Variants in TMEM94 observed in about 807,000 individuals in gnomAD.
TMEM94 encodes transmembrane protein 94, also known as ER Mg2+ ATPase.
In TMEM94, 81 loss-of-function variants were observed where a neutral mutation model predicts 158.6. That is an observed-to-expected ratio of 0.51 (90% CI 0.43 to 0.61). TMEM94 has a LOEUF of 0.61. Among genes scored for constraint, TMEM94 ranks in the 20% least tolerant of loss-of-function variants. The pLI, the probability that TMEM94 is intolerant of heterozygous loss-of-function variation, is 0.00. For synonymous variants in TMEM94, 751 were observed against 730.7 expected (o/e 1.03, Z -0.45); for missense variants, 1,435 against 1,762.0 (o/e 0.81, Z 3.32).
chr17:75,483,713 T>C (rs889740715), intron 2 of TMEM94, among the ~76,000 whole-genome samples: 4 of 152,014 alleles, frequency 2.6e-5, no homozygotes, highest in Non-Finnish European at 5.9e-5. Flanking sequence ...AGTGCACCCA[T>C]CTCAGCTTCC....
chr17:75,493,611 T>C lies in TMEM94; in HGVS notation c.2189+18T>C, dbSNP rs1220197996. On this transcript the variant is annotated intron_variant, in intron 17 of 31. Transcript: ENST00000314256. ...TCTGACAGGTGGGTGAGGAAGCACATGCCAGCAGCAAGAGCAGTCGCGCTG... is the reference window on the plus strand; with the variant it reads ...TCTGACAGGTGGGTGAGGAAGCACACGCCAGCAGCAAGAGCAGTCGCGCTG... 1.2e-5 allele frequency: 20 copies of C among 1,613,578 alleles called. No individual in the cohort carries two copies. The highest frequency in any genetic ancestry group is 4.0e-5 in the African/African-American group (3 of 74,926).
intron 6 of TMEM94, 140 bp from the exon 7 acceptor site, chr17:75,488,619 C>A: frequency 1.0e-6 from 1 of 965,916 alleles, no homozygotes; most frequent in Non-Finnish European, 1.6e-6. Context: ...AAGTCTAGTC[C>A]CACAGGCCCT....
At position 75,490,764 on chromosome 17, in the gene TMEM94, A is replaced by T. The variant is rs765511216; in HGVS notation, c.1128+6A>T. On this transcript the variant is annotated splice_donor_region_variant and intron_variant, in intron 11 of 31. Transcript: ENST00000314256. ...CGGAGGCTGTCTCCTCTCAGGTACA[A>T]CACTGACCCGGGATGGCTTCTCTCG... is the stretch of plus-strand genomic sequence containing the variant. 6.2e-7 allele frequency: 1 copy of T among 1,613,254 alleles called. No homozygotes were observed. Among genetic ancestry groups the T allele is most frequent in the East Asian group, 2.2e-5 (1 of 44,876 alleles).
Position 75,498,904 on chromosome 17 carries a change from T to C in TMEM94, c.3828-8T>C. Reference sequence around the variant, plus strand: ...GTCGGGTTCACACGGGGCCGCCACCTCCTGCAGGCTGCTGGGTCAGGTGGT... The same window carrying C: ...GTCGGGTTCACACGGGGCCGCCACCCCCTGCAGGCTGCTGGGTCAGGTGGT... On this transcript the variant is annotated splice_polypyrimidine_tract_variant and splice_region_variant and intron_variant, in intron 30 of 31. Coordinates refer to ENST00000314256, the MANE Select transcript of TMEM94 (RefSeq NM_014738.6). The surrounding 1 kb of genome is among the most constrained non-coding windows in gnomAD (Gnocchi z 6.7). 1.3e-6 allele frequency: 2 copies of C among 1,538,730 alleles called. No homozygotes were observed. Among genetic ancestry groups the C allele is most frequent in the Admixed American group, 3.8e-5 (2 of 51,990 alleles).
chr17:75,491,751 GAGC>G lies in TMEM94; in HGVS notation c.1450_1452del (p.Gln484del), dbSNP rs780721671. 4 of 1,613,930 alleles carry G rather than the reference GAGC, an allele frequency of 2.5e-6. No individual in the cohort carries two copies. The African/African-American group carries it at 5.3e-5, about 22-fold the overall frequency. Reference sequence around the variant, plus strand: ...GAACAACACCCTGCACCTTTCCAATGAGCAGGAGCGTGGCGACTGGCCTGGCGA... The same window carrying G: ...GAACAACACCCTGCACCTTTCCAATGAGGAGCGTGGCGACTGGCCTGGCGA... On this transcript the variant is annotated inframe_deletion, in exon 14 of 32. Transcript: ENST00000314256. This position sits in a 1 kb window ranked among gnomAD's most constrained non-coding sequence, Gnocchi z 5.1.
rs1261626756 is a variant in TMEM94, at chr17:75,495,126, C to T, written c.2728+92C>T. ...CCAGGAAGAGCCTCCGGAGAGCCCT[C>T]CAGTTAAGTACATTCCCTTGGGAAA... On this transcript the variant is annotated intron_variant, in intron 20 of 31. Transcript: ENST00000314256. The surrounding 1 kb of genome is among the most constrained non-coding windows in gnomAD (Gnocchi z 5.6). The T allele has an allele frequency of 3.6e-5, 55 of 1,528,604 alleles. No homozygotes were observed. The highest frequency in any genetic ancestry group is 4.7e-5 in the Non-Finnish European group (53 of 1,126,970). 94.7% of individuals were successfully genotyped at this position (1,528,604 alleles called of 1,614,324 possible).
chr17:75,490,826 T>TC (rs2052106603), intron 11 of TMEM94, 68 bp downstream of exon 11: 6 of 1,453,734 alleles, frequency 4.1e-6, no homozygotes, highest in Non-Finnish European at 5.8e-6. Context: ...ACTCCCCTAT[T>TC]TATGGCCTTA....
rs754521815 is a variant in TMEM94, at chr17:75,498,505, A to C, written c.3700A>C (p.Lys1234Gln). Residue 1234 changes from lysine (K) to glutamine (Q), a missense_variant, in exon 29 of 32, where the codon AAG (lysine) becomes CAG (glutamine). Coordinates refer to ENST00000314256, the MANE Select transcript of TMEM94 (RefSeq NM_014738.6). This position sits in a 1 kb window ranked among gnomAD's most constrained non-coding sequence, Gnocchi z 6.7. The part of the protein sequence containing the change: ...DFANGLLSAQ[K>Q]LTAALIVLHT... The stretch of plus-strand genomic sequence containing the variant: ...TGCCAATGGACTGCTGTCGGCTCAG[A>C]AGCTCACGGCCGCCCTGATTGTCCT... The C allele has an allele frequency of 6.3e-7, 1 of 1,599,246 alleles. No homozygotes were observed. Among genetic ancestry groups the C allele is most frequent in the Admixed American group, 1.7e-5 (1 of 58,704 alleles).
chr17:75,491,977 C>A lies in TMEM94; in HGVS notation c.1596+77C>A. The A allele has an allele frequency of 1.4e-6, 2 of 1,423,522 alleles. No homozygotes were observed. Among genetic ancestry groups the A allele is most frequent in the Middle Eastern group, 2.2e-4 (1 of 4,560 alleles). The allele number at this position is 1,423,522 out of a possible 1,614,324, so 88.2% of individuals were successfully genotyped here. ...CTGGCCTCCCTGGCCAGCCTGGCCT[C>A]ACAAGGTCTGAAAGAGCAGGCGTCT... On this transcript the variant is annotated intron_variant, in intron 14 of 31. Coordinates refer to ENST00000314256, the MANE Select transcript of TMEM94 (RefSeq NM_014738.6). The surrounding 1 kb of genome is among the most constrained non-coding windows in gnomAD (Gnocchi z 5.1).
chr17:75,457,849 C>A (rs185974580), intron 1 of TMEM94, among the ~76,000 whole-genome samples: 288 of 152,210 alleles, frequency 1.9e-3, no homozygotes, highest in African/African-American at 6.7e-3. Context: ...ATCCGCTAGA[C>A]CTAGTTGTTT....
chr17:75,496,785 A>C lies in TMEM94; in HGVS notation c.3299A>C (p.Gln1100Pro). The C allele has an allele frequency of 6.2e-7, 1 of 1,613,872 alleles. No homozygotes were observed. The change falls in exon 25 of 32, where the codon CAG (glutamine) becomes CCG (proline). Residue 1100 changes from glutamine to proline, a missense_variant. Gln to Pro is a moderately conservative substitution (Grantham distance 76, BLOSUM62 -1). This residue lies in a region of TMEM94 where 335 missense variants were observed against 409.1 expected (regional missense o/e 0.82). Coordinates refer to ENST00000314256, the MANE Select transcript of TMEM94 (RefSeq NM_014738.6). ...TGCTTCCTCTTCCTGCTGCAGTGCC[A>C]GCTGACTCTTGTGGTCATCCAGGTG... ...RKCFLFLLQC[Q>P]LTLVVIQFLS... is the part of the protein sequence containing the mutation.
chr17:75,498,059 C>G lies in TMEM94; in HGVS notation c.3490-116C>G. On this transcript the variant is annotated intron_variant, in intron 27 of 31. Transcript: ENST00000314256. This position sits in a 1 kb window ranked among gnomAD's most constrained non-coding sequence, Gnocchi z 6.7. The stretch of plus-strand genomic sequence containing the variant: ...GGAAAGACCCTTGCTGGGGCTTGAG[C>G]TCCCTATCCCCCCAGGCCTGACCAT... 1.4e-6 allele frequency: 2 copies of G among 1,387,574 alleles called. 1 individual carries two copies. Among genetic ancestry groups the G allele is most frequent in the South Asian group, 2.6e-5 (2 of 76,930 alleles). The allele number at this position is 1,387,574 out of a possible 1,614,324, so 86.0% of individuals were successfully genotyped here. A position where few individuals can be genotyped will look rare whatever the true frequency, so the allele number is the denominator to read the frequency against.
intron 1 of TMEM94, among the ~76,000 whole-genome samples, chr17:75,462,501 A>ATGGGAGCT (rs2050112852): frequency 6.6e-6 from 1 of 150,952 alleles, no homozygotes; most frequent in Admixed American, 6.7e-5. Context: ...CCCTCTAGTG[A>ATGGGAGCT]TGGGAGCTCA....
intron 2 of TMEM94, among the ~76,000 whole-genome samples, chr17:75,482,401 C>CA (rs1202572421): frequency 2.0e-5 from 3 of 151,830 alleles, no homozygotes; most frequent in Non-Finnish European, 2.9e-5. Context: ...CCAGCCACTC[C>CA]ATAGGCTGAG....
chr17:75,498,000 C>A, intron 27 of TMEM94, 138 bp downstream of exon 27: 1 of 1,170,098 alleles, frequency 8.5e-7, no homozygotes, highest in Non-Finnish European at 1.2e-6. Context: ...CTAGTCTTCC[C>A]CCAGATCAAA....
chr17:75,479,205 C>T (rs544603948), intron 2 of TMEM94, among the ~76,000 whole-genome samples: 3 of 152,230 alleles, frequency 2.0e-5, no homozygotes, highest in East Asian at 1.9e-4. Flanking sequence ...CGGTGGTTCA[C>T]GCCTATAATC....
rs752898557 is a variant in TMEM94, at chr17:75,499,069, C to T, written c.3985C>T (p.Leu1329=). 2.5e-6 allele frequency: 4 copies of T among 1,587,854 alleles called. No individual in the cohort carries two copies. Among genetic ancestry groups the T allele is most frequent in the African/African-American group, 1.3e-5 (1 of 74,516 alleles). The change falls in exon 31 of 32, where the codon CTA becomes TTA. Residue 1329 remains leucine (L), a synonymous_variant. Coordinates refer to ENST00000314256, the MANE Select transcript of TMEM94 (RefSeq NM_014738.6). The part of the protein sequence containing the change: ...LVVVTNEIVK[L]HEIRVRVRYQ... The stretch of plus-strand genomic sequence containing the variant: ...GGTGGTGACCAATGAGATCGTGAAG[C>T]TACATGAGATTCGGTGAGCTGTCAG...
intron 27 of TMEM94, 41 bp downstream of exon 27, chr17:75,497,903 G>A (rs1044202974): frequency 1.9e-6 from 3 of 1,558,894 alleles, no homozygotes; most frequent in Admixed American, 1.7e-5. Context: ...AGTGAGCATG[G>A]AAGGGACTGA....
Position 75,494,918 on chromosome 17 carries a change from T to A in TMEM94, c.2612T>A (p.Leu871Gln). ...KSKVFAEKMG[L>Q]ETGWNCHISL... The stretch of plus-strand genomic sequence containing the variant: ...CAGGTGTTTGCAGAAAAAATGGGCC[T>A]GGAGACAGGCTGGAACTGCCACATC... Residue 871 changes from leucine (L) to glutamine (Q), a missense_variant, in exon 20 of 32, where the codon CTG (leucine) becomes CAG (glutamine). Around this residue, in one of 3 missense-constraint regions of TMEM94, gnomAD observed 1,051 missense variants for 1,254.4 expected, o/e 0.84. Coordinates refer to ENST00000314256, the MANE Select transcript of TMEM94 (RefSeq NM_014738.6). 6.2e-7 allele frequency: 1 copy of A among 1,613,504 alleles called. No individual in the cohort carries two copies. The highest frequency in any genetic ancestry group is 8.5e-7 in the Non-Finnish European group (1 of 1,180,016).
Sources: allele counts gnomAD v4.1 joint callset (sites outside exome capture counted in the v4.1 genomes callset), GRCh38; gene constraint gnomAD v4.1.1; regional missense constraint gnomAD v4.1.1; non-coding constraint Gnocchi (gnomAD v3.1); transcripts MANE v1.5; gene names NCBI Gene and HGNC (gene_info 2026-07-23, HGNC 2026-07-21).